WDPCP: variants seen among roughly 807,000 people sequenced by gnomAD.
WDPCP encodes WD repeat containing planar cell polarity effector.
WDPCP carries 71 observed loss-of-function variants against 93.1 expected under a neutral mutation model. The observed-to-expected ratio is 0.76, with a 90% CI of 0.63 to 0.93. The LOEUF (loss-of-function observed/expected upper bound fraction) is 0.93. Among genes scored for constraint, WDPCP ranks in the 40% least tolerant of loss-of-function variants. WDPCP has a pLI of 0.00. For missense variants in WDPCP, 844 were observed against 887.4 expected (o/e 0.95, Z 0.62); for synonymous variants, 315 against 315.0 (o/e 1.00, Z 0.00).
At chr2:63,640,118 C>T (rs1190247591) in intron 3 of WDPCP, among the ~76,000 whole-genome samples, 2 of 152,176 alleles carry the variant, frequency 1.3e-5, no homozygotes, top group African/African-American at 4.8e-5. Context: ...ACGCCATTCT[C>T]CTGCCTCAGC....
At chr2:63,208,097 TTTACA>T (rs1210496595) in intron 14 of WDPCP, among the ~76,000 whole-genome samples, 1 of 152,198 alleles carries the variant, frequency 6.6e-6, no homozygotes, top group Non-Finnish European at 1.5e-5. Flanking sequence ...GTTATCCTTA[TTTACA>T]TTATTCTTTC....
At chr2:63,555,547 C>A (rs951477574) in intron 1 of WDPCP, among the ~76,000 whole-genome samples, 4 of 152,158 alleles carry the variant, frequency 2.6e-5, no homozygotes, top group African/African-American at 9.7e-5. Context: ...TAGGTGAGAC[C>A]CCCCCGCAAC....
intron 1 of WDPCP, among the ~76,000 whole-genome samples, chr2:63,528,376 C>T (rs1703524418): frequency 2.0e-5 from 3 of 152,178 alleles, no homozygotes; most frequent in Admixed American, 2.0e-4. Context: ...TTTAATCCAT[C>T]TTGAATTAAT....
At chr2:63,544,660 G>C (rs1480694207) in intron 1 of WDPCP, among the ~76,000 whole-genome samples, 2 of 152,110 alleles carry the variant, frequency 1.3e-5, no homozygotes, top group African/African-American at 2.4e-5. Flanking sequence ...GAGGACAACA[G>C]AGTAGTAGGC....
intron 17 of WDPCP, among the ~76,000 whole-genome samples, chr2:63,151,969 G>C (rs1463273470): frequency 1.3e-5 from 2 of 152,048 alleles, no homozygotes; most frequent in African/African-American, 4.8e-5. Flanking sequence ...ATAAATCCTA[G>C]CCTTTCTGTA....
intron 15 of WDPCP, among the ~76,000 whole-genome samples, chr2:63,174,073 C>G (rs1673609017): frequency 6.6e-6 from 1 of 152,138 alleles, no homozygotes; most frequent in African/African-American, 2.4e-5. Context: ...GTCTGGGCTG[C>G]AAAGCCTAAA....
chr2:63,529,034 A>G (rs990572593), intron 1 of WDPCP, among the ~76,000 whole-genome samples: 4 of 152,154 alleles, frequency 2.6e-5, no homozygotes, highest in South Asian at 2.1e-4. Flanking sequence ...TTGATGTATA[A>G]GAATGACTGT....
At chr2:63,335,588 G>A (rs1688298536) in intron 12 of WDPCP, among the ~76,000 whole-genome samples, 1 of 151,990 alleles carries the variant, frequency 6.6e-6, no homozygotes. Flanking sequence ...ACCTGGCCAG[G>A]ATTTCTTAAT....
chr2:63,255,489 C>A (rs918212891), intron 14 of WDPCP, among the ~76,000 whole-genome samples: 2 of 152,078 alleles, frequency 1.3e-5, no homozygotes, highest in African/African-American at 4.8e-5. Context: ...ATGGTAAGAA[C>A]TGAGTTCTTG....
At chr2:63,190,980 G>C (rs1674998542) in intron 14 of WDPCP, among the ~76,000 whole-genome samples, 1 of 152,190 alleles carries the variant, frequency 6.6e-6, no homozygotes, top group Non-Finnish European at 1.5e-5. Flanking sequence ...CTAGAATTTT[G>C]CTTTGTCTTC....
At chr2:63,741,771 C>T (rs942641603) in intron 2 of WDPCP, among the ~76,000 whole-genome samples, 1 of 151,838 alleles carries the variant, frequency 6.6e-6, no homozygotes, top group African/African-American at 2.4e-5. Context: ...CAAATAAAGC[C>T]CCCTCTTACC....
At chr2:63,345,766 G>A (rs1689150185) in intron 12 of WDPCP, among the ~76,000 whole-genome samples, 2 of 152,110 alleles carry the variant, frequency 1.3e-5, no homozygotes, top group Non-Finnish European at 2.9e-5. Flanking sequence ...TTCTGATACT[G>A]CAGAACTCTT....
In WDPCP at chr2:63,622,622, A is replaced by C. The variant is rs1709757046; in HGVS notation, n.488+28037T>G. 1.9e-6 allele frequency: 3 copies of C among 1,613,790 alleles called. No individual in the cohort carries two copies. In the East Asian group the frequency reaches 6.7e-5, roughly 36 times the overall value. Reference sequence around the variant, plus strand: ...ACACCGAGTGAGCAACATTGGCAGGAAATAGTTGCTTGGCCCAGCGTGGCA... The same window carrying C: ...ACACCGAGTGAGCAACATTGGCAGGCAATAGTTGCTTGGCCCAGCGTGGCA... On this transcript the variant is annotated intron_variant and non_coding_transcript_variant, in intron 3 of 4. Coordinates refer to the WDPCP transcript ENST00000467687.
intron 3 of WDPCP, chr2:63,599,367 A>G: frequency 2.0e-6 from 3 of 1,468,124 alleles, no homozygotes; most frequent in South Asian, 1.3e-5. Flanking sequence ...AAATAACTGA[A>G]TCTGAGTTTG....
At chr2:63,259,236 C>G in intron 14 of WDPCP, 71 bp downstream of exon 14, 2 of 1,325,960 alleles carry the variant, frequency 1.5e-6, no homozygotes, top group Admixed American at 1.7e-5. Context: ...CCATGTCCTC[C>G]AAACATAAAT....
intron 13 of WDPCP, among the ~76,000 whole-genome samples, chr2:63,261,216 A>G (rs1237011000): frequency 1.2e-4 from 17 of 146,962 alleles, no homozygotes; most frequent in Admixed American, 4.1e-4. Flanking sequence ...CTCCATTCCT[A>G]CACAAATTTT....
the WDPCP span, among the ~76,000 whole-genome samples, chr2:63,838,891 C>G: frequency 6.6e-6 from 1 of 152,088 alleles, no homozygotes; most frequent in Non-Finnish European, 1.5e-5. Context: ...GTGGGAAGCT[C>G]GCTTACAAAG....
intron 6 of WDPCP, among the ~76,000 whole-genome samples, chr2:63,464,947 G>C (rs970621615): frequency 6.6e-6 from 1 of 151,914 alleles, no homozygotes; most frequent in Admixed American, 6.6e-5. Context: ...AAATGAAAAA[G>C]TTCTGGACAT....
At chr2:63,808,679 TCTCGG>T (rs1670809532) in intron 2 of WDPCP, among the ~76,000 whole-genome samples, 2 of 152,178 alleles carry the variant, frequency 1.3e-5, no homozygotes, top group Admixed American at 1.3e-4. Context: ...AGTGGCGTGA[TCTCGG>T]CTCGCTACAA....
Sources: gnomAD v4.1 joint callset for allele counts (sites outside exome capture counted in the v4.1 genomes callset) on GRCh38, gnomAD v4.1.1 for gene constraint, MANE v1.5 for transcripts, NCBI Gene and HGNC (gene_info 2026-07-23, HGNC 2026-07-21) for gene names.